The following CCSER1 variants were observed in gnomAD, a reference collection of about 807,000 sequenced individuals.
CCSER1 encodes the protein serine-rich coiled-coil domain-containing protein 1.
In CCSER1, 41 loss-of-function variants were observed where a neutral mutation model predicts 82.0. The ratio of observed to expected loss-of-function variants is 0.50; its 90% confidence interval spans 0.39 to 0.65. The LOEUF (loss-of-function observed/expected upper bound fraction) is 0.65, where lower values mean the gene tolerates loss of function less well. CCSER1 is among the 30% of genes least tolerant of loss of function. The pLI, the probability that CCSER1 is intolerant of heterozygous loss-of-function variation, is 0.00. For synonymous variants in CCSER1, 414 were observed against 383.9 expected (o/e 1.08, Z -0.92); for missense variants, 1,119 against 1,064.2 (o/e 1.05, Z -0.72).
chr4:91,565,950 G>A (rs1206229331), intron 10 of CCSER1, among the ~76,000 whole-genome samples: 1 of 152,094 alleles, frequency 6.6e-6, no homozygotes, highest in Non-Finnish European at 1.5e-5. Flanking sequence ...GTGGGAGAAG[G>A]CATGCTTGTC....
chr4:90,414,064 T>G (rs935128265), intron 4 of CCSER1, among the ~76,000 whole-genome samples: 4 of 143,358 alleles, frequency 2.8e-5, no homozygotes, highest in Admixed American at 7.1e-5. Context: ...AAAATATGTT[T>G]TATAGTGCAG....
chr4:90,913,599 C>G (rs1024561070), intron 8 of CCSER1, among the ~76,000 whole-genome samples: 1 of 152,128 alleles, frequency 6.6e-6, no homozygotes, highest in Non-Finnish European at 1.5e-5. Flanking sequence ...AGAAAAATAA[C>G]CATCTAACAT....
intron 5 of CCSER1, among the ~76,000 whole-genome samples, chr4:90,570,008 G>A (rs568361513): frequency 6.6e-6 from 1 of 152,164 alleles, no homozygotes; most frequent in Non-Finnish European, 1.5e-5. Context: ...AAACCCACGG[G>A]TATGGTCCCA....
intron 5 of CCSER1, among the ~76,000 whole-genome samples, chr4:90,590,471 T>C (rs1782554402): frequency 6.6e-6 from 1 of 151,780 alleles, no homozygotes; most frequent in African/African-American, 2.4e-5. Flanking sequence ...TCTCAGCTAC[T>C]CGGGAGGCTG....
chr4:91,182,210 C>T (rs1413813812), intron 10 of CCSER1, among the ~76,000 whole-genome samples: 1 of 152,198 alleles, frequency 6.6e-6, no homozygotes, highest in Non-Finnish European at 1.5e-5. Flanking sequence ...ATCTCTTCCT[C>T]AGCATCTGGC....
At chr4:90,750,757 A>G (rs1188140714) in intron 7 of CCSER1, among the ~76,000 whole-genome samples, 1 of 152,188 alleles carries the variant, frequency 6.6e-6, no homozygotes, top group African/African-American at 2.4e-5. Flanking sequence ...GTATACATTC[A>G]ATTTTATATG....
chr4:91,397,271 G>C (rs1025877035), intron 10 of CCSER1, among the ~76,000 whole-genome samples: 1 of 152,016 alleles, frequency 6.6e-6, no homozygotes, highest in African/African-American at 2.4e-5. Context: ...ATGGTCTTAG[G>C]TAGCTTCAGT....
chr4:91,015,013 A>G (rs1461599), intron 9 of CCSER1, among the ~76,000 whole-genome samples: 39,904 of 149,422 alleles, frequency 0.27, 6,498 homozygotes, highest in East Asian at 0.37. Flanking sequence ...TACAATATCA[A>G]TACAAACTTA....
rs1751555356 is a variant in CCSER1, at chr4:90,768,297, C to G, written c.2010+44306C>G. On this transcript the variant is annotated intron_variant, in intron 7 of 10. Coordinates refer to ENST00000509176, the MANE Select transcript of CCSER1 (RefSeq NM_001145065.2). The stretch of plus-strand genomic sequence containing the variant: ...AAGTAGATGCAATCTTTGAGTCAAG[C>G]TTTGGGATGATTATACACCTAGCCA... 2.6e-5 allele frequency among the ~76,000 whole-genome samples: 4 copies of G among 152,242 alleles called. No individual in the cohort carries two copies. In the South Asian group the frequency reaches 8.3e-4, roughly 32 times the overall value.
chr4:90,188,788 T>C (rs770338948), intron 1 of CCSER1, among the ~76,000 whole-genome samples: 1 of 151,964 alleles, frequency 6.6e-6, no homozygotes, highest in Non-Finnish European at 1.5e-5. Flanking sequence ...TTTTCAACCA[T>C]ATTTGCATAT....
intron 10 of CCSER1, among the ~76,000 whole-genome samples, chr4:91,332,988 A>AG (rs777061078): frequency 1.1e-4 from 17 of 152,036 alleles, no homozygotes; most frequent in Non-Finnish European, 2.1e-4. Flanking sequence ...AAATTACTTG[A>AG]GATGAACAAA....
At chr4:91,136,818 A>T (rs1251458437) in intron 10 of CCSER1, among the ~76,000 whole-genome samples, 1 of 152,034 alleles carries the variant, frequency 6.6e-6, no homozygotes, top group African/African-American at 2.4e-5. Flanking sequence ...TAACTGTGTC[A>T]ACTTATACAA....
chr4:91,587,119 C>T (rs148064848), intron 10 of CCSER1, among the ~76,000 whole-genome samples: 1 of 151,798 alleles, frequency 6.6e-6, no homozygotes, highest in Non-Finnish European at 1.5e-5. Context: ...GCCCAGTATA[C>T]TCAACATAAC....
chr4:90,938,905 T>G (rs1238143976), intron 9 of CCSER1: 1 of 160,832 alleles, frequency 6.2e-6, no homozygotes, highest in Admixed American at 6.3e-5. Context: ...AAAATATTGA[T>G]GAATTAAGAT....
intron 5 of CCSER1, among the ~76,000 whole-genome samples, chr4:90,600,483 A>G (rs6532236): frequency 0.43 from 66,040 of 151,864 alleles, 16,985 homozygotes; most frequent in African/African-American, 0.71. Flanking sequence ...TTAATGAAGT[A>G]TCTTTTCATA....
intron 10 of CCSER1, among the ~76,000 whole-genome samples, chr4:91,510,029 C>T (rs1578656268): frequency 6.6e-6 from 1 of 151,864 alleles, no homozygotes; most frequent in East Asian, 1.9e-4. Context: ...TCCCATATAG[C>T]CTTGTGTCTA....
At chr4:90,414,439 T>TA (rs1327760385) in intron 4 of CCSER1, among the ~76,000 whole-genome samples, 1 of 152,100 alleles carries the variant, frequency 6.6e-6, no homozygotes, top group Non-Finnish European at 1.5e-5. Flanking sequence ...TTTCTTGTGG[T>TA]AAAATATTAC....
chr4:91,376,390 G>A (rs1219200689), intron 10 of CCSER1, among the ~76,000 whole-genome samples: 1 of 152,102 alleles, frequency 6.6e-6, no homozygotes, highest in African/African-American at 2.4e-5. Context: ...AACACAATGG[G>A]AAGTATTCGT....
chr4:91,043,546 GA>G lies in CCSER1; in HGVS notation c.2173-42397del, dbSNP rs913925242. 3.7e-4 allele frequency among the ~76,000 whole-genome samples: 53 copies of G among 145,046 alleles called. 1 individual carries two copies. Among genetic ancestry groups the G allele is most frequent in the African/African-American group, 1.2e-3 (46 of 39,416 alleles). On this transcript the variant is annotated intron_variant, in intron 9 of 10. Coordinates refer to ENST00000509176, the MANE Select transcript of CCSER1 (RefSeq NM_001145065.2). The stretch of plus-strand genomic sequence containing the variant: ...CATAAGAGGGAAAAATTATTCACCT[GA>G]AAAAAACAAGGATAACGCTAACTAG...
Sources: gnomAD v4.1 joint callset for allele counts (sites outside exome capture counted in the v4.1 genomes callset) on GRCh38, gnomAD v4.1.1 for gene constraint, MANE v1.5 for transcripts, NCBI Gene and HGNC (gene_info 2026-07-23, HGNC 2026-07-21) for gene names.